Variants in ENOX1 observed in about 807,000 individuals in gnomAD.
ENOX1 encodes the protein candidate growth-related and time keeping constitutive hydroquinone (NADH) oxidase.
A neutral mutation model predicts 82.5 loss-of-function variants in ENOX1; 42 were observed. The ratio of observed to expected loss-of-function variants is 0.51; its 90% CI spans 0.40 to 0.66. The LOEUF (loss-of-function observed/expected upper bound fraction) is 0.66, where lower values mean the gene tolerates loss of function less well. ENOX1 is among the 30% of genes least tolerant of loss of function. The pLI is 0.00. For synonymous variants in ENOX1, 271 were observed against 282.2 expected, an observed-to-expected ratio of 0.96 and a Z score of 0.40; for missense variants, 608 against 811.6, an observed-to-expected ratio of 0.75 and a Z score of 3.05.
chr13:43,256,552 A>G (rs1476130016), intron 14 of ENOX1, among the ~76,000 whole-genome samples: 2 of 151,636 alleles, frequency 1.3e-5, no homozygotes, highest in African/African-American at 4.8e-5. Context: ...AGTTTTATGG[A>G]AAAAAAAAGA....
At chr13:43,714,257 G>A (rs1402528145) in intron 1 of ENOX1, among the ~76,000 whole-genome samples, 6 of 152,308 alleles carry the variant, frequency 3.9e-5, no homozygotes, top group African/African-American at 1.4e-4. Context: ...GTTCTAGTTT[G>A]ATTGCACTGT....
At chr13:43,250,850 T>G (rs2043413703) in intron 14 of ENOX1, among the ~76,000 whole-genome samples, 1 of 152,178 alleles carries the variant, frequency 6.6e-6, no homozygotes, top group Non-Finnish European at 1.5e-5. Flanking sequence ...TTAAATACAG[T>G]ATGATATAAG....
At chr13:43,563,609 A>C (rs2079783776) in intron 2 of ENOX1, among the ~76,000 whole-genome samples, 1 of 152,100 alleles carries the variant, frequency 6.6e-6, no homozygotes, top group African/African-American at 2.4e-5. Flanking sequence ...CGAAAAGTTA[A>C]ACAAAATTGA....
intron 2 of ENOX1, among the ~76,000 whole-genome samples, chr13:43,562,531 A>G (rs529911475): frequency 9.9e-5 from 15 of 152,192 alleles, no homozygotes; most frequent in Non-Finnish European, 1.2e-4. Context: ...ACTTACCAAT[A>G]ATAACACTGA....
chr13:43,471,504 T>C (rs2058064942), intron 3 of ENOX1, among the ~76,000 whole-genome samples: 1 of 152,130 alleles, frequency 6.6e-6, no homozygotes, highest in Admixed American at 6.6e-5. Flanking sequence ...TACTAATGTC[T>C]ATAACTTGCT....
intron 3 of ENOX1, among the ~76,000 whole-genome samples, chr13:43,438,689 A>C (rs1245602263): frequency 6.6e-6 from 1 of 152,186 alleles, no homozygotes; most frequent in Non-Finnish European, 1.5e-5. Flanking sequence ...TATGCCTGGC[A>C]CACAGTGGCT....
chr13:43,330,837 C>T (rs556358664), intron 9 of ENOX1, among the ~76,000 whole-genome samples: 16 of 152,236 alleles, frequency 1.1e-4, no homozygotes, highest in African/African-American at 2.6e-4. Context: ...GATACATACA[C>T]GCACCTAGCA....
chr13:43,221,101 A>G (rs1003062794), intron 16 of ENOX1, among the ~76,000 whole-genome samples: 1 of 152,224 alleles, frequency 6.6e-6, no homozygotes, highest in African/African-American at 2.4e-5. Context: ...CCAAAATAGC[A>G]GGTCCTTCTA....
At chr13:43,367,469 CA>C (rs1193435912) in intron 5 of ENOX1, among the ~76,000 whole-genome samples, 1 of 152,038 alleles carries the variant, frequency 6.6e-6, no homozygotes, top group Non-Finnish European at 1.5e-5. Flanking sequence ...AAGACACAGA[CA>C]CACAGGGAGA....
chr13:43,661,359 C>T (rs759475646), intron 2 of ENOX1, among the ~76,000 whole-genome samples: 1 of 152,036 alleles, frequency 6.6e-6, no homozygotes, highest in Non-Finnish European at 1.5e-5. Flanking sequence ...TCTGTCTTCC[C>T]CATAGGGTCT....
chr13:43,428,787 G>A (rs1006555148), intron 3 of ENOX1, among the ~76,000 whole-genome samples: 4 of 152,142 alleles, frequency 2.6e-5, no homozygotes, highest in Non-Finnish European at 4.4e-5. Flanking sequence ...AACTAGGGTT[G>A]GTGAGGCGGG....
At chr13:43,240,293 G>T (rs538198877) in intron 14 of ENOX1, among the ~76,000 whole-genome samples, 35 of 152,304 alleles carry the variant, frequency 2.3e-4, no homozygotes, top group African/African-American at 8.4e-4. Context: ...AGAAGTGCAA[G>T]CTTACCCAGG....
chr13:43,241,898 T>C (rs1430297845), intron 14 of ENOX1, among the ~76,000 whole-genome samples: 1 of 152,176 alleles, frequency 6.6e-6, no homozygotes, highest in Admixed American at 6.5e-5. Flanking sequence ...TCATGCTTTG[T>C]TATTTTGTTT....
chr13:43,457,965 A>T (rs1186893547), intron 3 of ENOX1, among the ~76,000 whole-genome samples: 1 of 152,090 alleles, frequency 6.6e-6, no homozygotes, highest in East Asian at 1.9e-4. Context: ...TCCTCCCCTC[A>T]TCTCCCAAAG....
intron 1 of ENOX1, among the ~76,000 whole-genome samples, chr13:43,726,167 C>A (rs2088939231): frequency 6.7e-6 from 1 of 149,314 alleles, no homozygotes; most frequent in Non-Finnish European, 1.5e-5. Flanking sequence ...ACCAAAAAAA[C>A]AAAACTTTAA....
intron 1 of ENOX1, among the ~76,000 whole-genome samples, chr13:43,784,037 A>G (rs1952431217): frequency 6.6e-6 from 1 of 152,176 alleles, no homozygotes. Context: ...TCCATGATCT[A>G]TTGGCCAATT....
chr13:43,537,347 G>A lies in ENOX1; in HGVS notation c.-218-53195C>T, dbSNP rs532324382. On this transcript the variant is annotated intron_variant, in intron 2 of 16. Coordinates refer to ENST00000690772, the MANE Select transcript of ENOX1 (RefSeq NM_001347969.2). ...ACTGGAAACCTTCCCAGGGTAGAAGGGGAATAACTTGCTGGTGATTAGTGG... is the reference window on the plus strand; with the variant it reads ...ACTGGAAACCTTCCCAGGGTAGAAGAGGAATAACTTGCTGGTGATTAGTGG... 3.3e-5 allele frequency among the ~76,000 whole-genome samples: 5 copies of A among 152,318 alleles called. No individual in the cohort carries two copies. In the South Asian group the frequency reaches 8.3e-4, roughly 25 times the overall value.
chr13:43,302,770 A>G (rs977208752), intron 11 of ENOX1, among the ~76,000 whole-genome samples: 3 of 152,212 alleles, frequency 2.0e-5, no homozygotes, highest in African/African-American at 7.2e-5. Context: ...GGAACAGATA[A>G]TGCCATGCTT....
rs1442065258 is a variant in ENOX1 at position 43,780,171 on chromosome 13, AG to A, written c.-285+6480del. On this transcript the variant is annotated intron_variant, in intron 1 of 16. Coordinates refer to ENST00000690772, the MANE Select transcript of ENOX1 (RefSeq NM_001347969.2). ...GCGAGACTCTGTCTCAAAAAAAAAA[AG>A]AAAAAAAAAAAATCTGTATGATCCC... Among the ~76,000 whole-genome samples, 274 of 150,844 alleles carry A rather than the reference AG, an allele frequency of 1.8e-3. 2 individuals carry two copies. Among genetic ancestry groups the A allele is most frequent in the East Asian group, 2.1e-3 (11 of 5,150 alleles).
Sources: allele counts gnomAD v4.1 joint callset (sites outside exome capture counted in the v4.1 genomes callset), GRCh38; gene constraint gnomAD v4.1.1; transcripts MANE v1.5; gene names NCBI Gene and HGNC (gene_info 2026-07-23, HGNC 2026-07-21).